Variants in IL1R1 observed in about 807,000 individuals in gnomAD.
IL1R1 encodes the protein interleukin 1 receptor type 1.
A neutral mutation model predicts 50.2 loss-of-function variants in IL1R1; 22 were observed. The ratio of observed to expected loss-of-function variants is 0.44; its 90% CI spans 0.31 to 0.63. The LOEUF is 0.63. IL1R1 is among the 20% of genes least tolerant of loss of function. The pLI is 0.07. For missense variants in IL1R1, 509 were observed against 676.2 expected (o/e 0.75, Z 2.74); for synonymous variants, 251 against 236.7 (o/e 1.06, Z -0.55).
intron 1 of IL1R1, among the ~76,000 whole-genome samples, chr2:102,122,850 T>C (rs1297226503): frequency 6.6e-6 from 1 of 152,228 alleles, no homozygotes; most frequent in East Asian, 1.9e-4. Flanking sequence ...TTTGACTCCA[T>C]CTATAACACA....
At chr2:102,080,166 C>T (rs1679144836) in intron 1 of IL1R1, among the ~76,000 whole-genome samples, 1 of 152,016 alleles carries the variant, frequency 6.6e-6, no homozygotes, top group African/African-American at 2.4e-5. Flanking sequence ...TCTTTGTGAC[C>T]TTGAATTGGG....
chr2:102,169,032 G>A (rs573651811), intron 7 of IL1R1, among the ~76,000 whole-genome samples: 4 of 151,118 alleles, frequency 2.6e-5, no homozygotes, highest in Admixed American at 6.6e-5. Context: ...AGGGTTTGCT[G>A]TAAAAGTGAA....
intron 1 of IL1R1, among the ~76,000 whole-genome samples, chr2:102,093,134 C>A (rs143118661): frequency 6.6e-6 from 1 of 152,032 alleles, no homozygotes; most frequent in African/African-American, 2.4e-5. Flanking sequence ...AAGTAACTCA[C>A]GTAGAACGTT....
intron 1 of IL1R1, among the ~76,000 whole-genome samples, chr2:102,133,951 G>T (rs145134571): frequency 3.0e-4 from 45 of 151,704 alleles, no homozygotes; most frequent in African/African-American, 9.7e-4. Flanking sequence ...GATTGGAAAA[G>T]AAAAGAAATT....
intron 11 of IL1R1, 159 bp downstream of exon 11, chr2:102,175,804 C>T: frequency 1.4e-6 from 1 of 697,392 alleles, no homozygotes; most frequent in Non-Finnish European, 2.5e-6. Context: ...TTATTAAATG[C>T]ATTTACTTCT....
intron 1 of IL1R1, among the ~76,000 whole-genome samples, chr2:102,127,759 G>T (rs865937973): frequency 1.3e-5 from 2 of 151,652 alleles, no homozygotes; most frequent in Non-Finnish European, 1.5e-5. Context: ...AATCTCTTTG[G>T]CAATAGTGAT....
intron 1 of IL1R1, among the ~76,000 whole-genome samples, chr2:102,086,795 T>C (rs1452723609): frequency 3.9e-5 from 6 of 152,204 alleles, no homozygotes; most frequent in African/African-American, 1.4e-4. Flanking sequence ...ATCAATATCT[T>C]ATTTAAAAAT....
At chr2:102,136,491 C>G (rs1682352124) in intron 1 of IL1R1, among the ~76,000 whole-genome samples, 2 of 150,218 alleles carry the variant, frequency 1.3e-5, no homozygotes, top group African/African-American at 4.9e-5. Flanking sequence ...ATTCTCTTGC[C>G]CCAGCCTCCC....
chr2:102,170,173 T>A (rs775056170), intron 7 of IL1R1, among the ~76,000 whole-genome samples: 3 of 152,228 alleles, frequency 2.0e-5, no homozygotes, highest in African/African-American at 4.8e-5. Context: ...TGTCATAGGA[T>A]TATCCTGAAG....
At chr2:102,109,678 T>C (rs1680632807) in intron 1 of IL1R1, among the ~76,000 whole-genome samples, 2 of 152,128 alleles carry the variant, frequency 1.3e-5, no homozygotes, top group African/African-American at 2.4e-5. Flanking sequence ...CAATGTGAAA[T>C]GGATTTGATT....
At chr2:102,082,862 T>A (rs1387799278) in intron 1 of IL1R1, among the ~76,000 whole-genome samples, 1 of 152,182 alleles carries the variant, frequency 6.6e-6, no homozygotes, top group African/African-American at 2.4e-5. Context: ...TTAAGAGTTT[T>A]AAAATTTTTC....
At chr2:102,144,548 C>G (rs1018003541) in intron 1 of IL1R1, among the ~76,000 whole-genome samples, 3 of 152,110 alleles carry the variant, frequency 2.0e-5, no homozygotes, top group African/African-American at 7.2e-5. Flanking sequence ...AGTAGATTCA[C>G]TAATTTATTA....
chr2:102,108,028 A>T (rs1680516780), intron 1 of IL1R1, among the ~76,000 whole-genome samples: 1 of 152,210 alleles, frequency 6.6e-6, no homozygotes, highest in African/African-American at 2.4e-5. Context: ...TTGTACTGGG[A>T]ATATAAAGAG....
chr2:102,142,067 G>A (rs1239784595), upstream of IL1R1: 4 of 152,180 alleles, frequency 2.6e-5, no homozygotes, highest in Non-Finnish European at 4.4e-5. Flanking sequence ...CCCAAGTGTG[G>A]TATCAAGATT....
intron 1 of IL1R1, among the ~76,000 whole-genome samples, chr2:102,082,224 T>C (rs1679241828): frequency 6.6e-6 from 1 of 152,088 alleles, no homozygotes; most frequent in Non-Finnish European, 1.5e-5. Flanking sequence ...TTAGATTAAA[T>C]TAAAGGATAA....
intron 1 of IL1R1, among the ~76,000 whole-genome samples, chr2:102,123,283 A>G (rs1285459176): frequency 6.6e-6 from 1 of 152,184 alleles, no homozygotes; most frequent in African/African-American, 2.4e-5. Flanking sequence ...GTCTTATGGG[A>G]CAAGTGTCAT....
chr2:102,139,916 C>CT (rs1366054907), upstream of IL1R1, among the ~76,000 whole-genome samples: 2 of 152,136 alleles, frequency 1.3e-5, no homozygotes, highest in Non-Finnish European at 2.9e-5. Context: ...TAGGAATGGC[C>CT]TAACACACCA....
chr2:102,172,312 A>G, intron 8 of IL1R1: 1 of 985,262 alleles, frequency 1.0e-6, no homozygotes, highest in Non-Finnish European at 1.2e-6. Context: ...TCTATGGGAC[A>G]AGGATCTCCT....
intron 1 of IL1R1, among the ~76,000 whole-genome samples, chr2:102,093,815 C>G (rs1485240334): frequency 6.6e-6 from 1 of 152,174 alleles, no homozygotes; most frequent in Non-Finnish European, 1.5e-5. Context: ...CCGCGTGACC[C>G]TGGTCCCCAC....
Sources: gnomAD v4.1 joint callset for allele counts (sites outside exome capture counted in the v4.1 genomes callset) on GRCh38, gnomAD v4.1.1 for gene constraint, MANE v1.5 for transcripts, NCBI Gene and HGNC (gene_info 2026-07-23, HGNC 2026-07-21) for gene names.